PDE4D: variants seen among roughly 807,000 people sequenced by gnomAD.
PDE4D encodes 3',5'-cyclic-AMP phosphodiesterase 4D.
Under a neutral mutation model 87.4 loss-of-function variants are expected in PDE4D, and 24 were observed. The ratio of observed to expected loss-of-function variants is 0.27; its 90% CI spans 0.20 to 0.39. PDE4D has a LOEUF of 0.39. PDE4D is among the 10% of genes least tolerant of loss of function. PDE4D has a pLI of 1.00. For synonymous variants in PDE4D, 384 were observed against 383.2 expected (o/e 1.00, Z -0.02); for missense variants, 714 against 1,041.0 (o/e 0.69, Z 4.32).
intron 1 of PDE4D, among the ~76,000 whole-genome samples, chr5:60,223,603 G>A (rs1023688008): frequency 3.3e-5 from 5 of 152,022 alleles, no homozygotes; most frequent in African/African-American, 9.7e-5. Context: ...GTACATACTG[G>A]AGCAGACACA....
chr5:59,942,669 G>A (rs962414407), intron 3 of PDE4D, among the ~76,000 whole-genome samples: 3 of 152,076 alleles, frequency 2.0e-5, no homozygotes. Context: ...AACTATCCAG[G>A]TTATTGTTCT....
At chr5:60,038,806 C>T (rs527986029) in intron 2 of PDE4D, among the ~76,000 whole-genome samples, 12 of 151,922 alleles carry the variant, frequency 7.9e-5, no homozygotes, top group Non-Finnish European at 1.6e-4. Context: ...CAAAAGAAGA[C>T]ATTTATGCAG....
chr5:59,669,777 A>AC (rs199697069), intron 1 of PDE4D, among the ~76,000 whole-genome samples: 320 of 151,092 alleles, frequency 2.1e-3, no homozygotes, highest in Middle Eastern at 6.8e-3. Context: ...GACTAAAGAC[A>AC]CCCCCCCCAA....
chr5:60,388,941 T>C (rs1762386119), intron 1 of PDE4D, among the ~76,000 whole-genome samples: 1 of 152,236 alleles, frequency 6.6e-6, no homozygotes, highest in Non-Finnish European at 1.5e-5. Flanking sequence ...GGGCAAGTTA[T>C]GGCTTTTCTA....
At chr5:59,249,622 G>A (rs950237378) in intron 1 of PDE4D, among the ~76,000 whole-genome samples, 1 of 152,032 alleles carries the variant, frequency 6.6e-6, no homozygotes, top group Admixed American at 6.6e-5. Context: ...TATAAGTAAT[G>A]TTTGAAATAA....
In PDE4D at chr5:60,417,710, CAAG is replaced by C. The variant is rs1742730661; in HGVS notation, c.-90+70229_-90+70231del. Among the ~76,000 whole-genome samples the C allele has an allele frequency of 2.0e-5, 3 of 151,974 alleles. No individual in the cohort carries two copies. In the South Asian group the frequency reaches 6.2e-4, roughly 32 times the overall value. On this transcript the variant is annotated intron_variant, in intron 1 of 16. Coordinates refer to the PDE4D transcript ENST00000502484. ...AGAATTTTTTTTAGAAAGCAGTTAC[CAAG>C]AAGAAGAAAAAAAACTCTTCTGAAT...
chr5:60,005,353 G>A (rs531305610), intron 2 of PDE4D, among the ~76,000 whole-genome samples: 16 of 152,090 alleles, frequency 1.1e-4, no homozygotes, highest in Middle Eastern at 6.8e-3. Context: ...TCAGTTATAA[G>A]ACAAATACAT....
At chr5:60,321,537 T>C (rs892423164) in intron 1 of PDE4D, among the ~76,000 whole-genome samples, 1 of 152,126 alleles carries the variant, frequency 6.6e-6, no homozygotes, top group African/African-American at 2.4e-5. Context: ...AAATAAAACA[T>C]TGACAAATGG....
At chr5:59,529,173 T>C in intron 1 of PDE4D, 5 of 485,090 alleles carry the variant, frequency 1.0e-5, no homozygotes, top group Non-Finnish European at 2.1e-5. Flanking sequence ...TCTGGTATTA[T>C]GTTTTCAAAA....
rs534285548 is a variant in PDE4D, at chr5:59,512,878, T to C, written c.456-296910A>G. On this transcript the variant is annotated intron_variant, in intron 1 of 14. Transcript: ENST00000340635. ...GGACAAAGATAAAAAGTTATTTCTATTTTTGAAAAGAAATTAGATGATGTC... is the reference window on the plus strand; with the variant it reads ...GGACAAAGATAAAAAGTTATTTCTACTTTTGAAAAGAAATTAGATGATGTC... 3.3e-5 allele frequency among the ~76,000 whole-genome samples: 5 copies of C among 152,292 alleles called. No individual in the cohort carries two copies. The East Asian group carries it at 5.8e-4, about 18-fold the overall frequency.
chr5:60,501,002 AT>A (rs1667368605), intron 1 of PDE4D, among the ~76,000 whole-genome samples: 1 of 151,510 alleles, frequency 6.6e-6, no homozygotes, highest in Non-Finnish European at 1.5e-5. Context: ...TTTTAATTTA[AT>A]TTTATTATTA....
At chr5:60,120,951 A>G (rs1474086574) in intron 2 of PDE4D, among the ~76,000 whole-genome samples, 1 of 152,136 alleles carries the variant, frequency 6.6e-6, no homozygotes, top group African/African-American at 2.4e-5. Flanking sequence ...AGTGGGCACT[A>G]TCTAATCAGC....
chr5:59,885,272 T>C (rs1020596507), intron 1 of PDE4D, among the ~76,000 whole-genome samples: 3 of 152,154 alleles, frequency 2.0e-5, no homozygotes, highest in Non-Finnish European at 4.4e-5. Flanking sequence ...AAAACAGTCT[T>C]TTTATTTTTT....
At chr5:59,375,054 T>C (rs146723407) in intron 1 of PDE4D, among the ~76,000 whole-genome samples, 115 of 152,284 alleles carry the variant, frequency 7.6e-4, no homozygotes, top group African/African-American at 2.4e-3. Flanking sequence ...CAGACATTTA[T>C]AGCATGAAAT....
chr5:60,313,395 A>C (rs1755231493), intron 1 of PDE4D, among the ~76,000 whole-genome samples: 1 of 152,190 alleles, frequency 6.6e-6, no homozygotes, highest in Non-Finnish European at 1.5e-5. Context: ...AGAAATTCAA[A>C]TCCTGAACAG....
At chr5:60,259,821 A>C (rs1324508437) in intron 1 of PDE4D, among the ~76,000 whole-genome samples, 2 of 151,846 alleles carry the variant, frequency 1.3e-5, no homozygotes, top group East Asian at 3.9e-4. Context: ...GAATGCATAA[A>C]CTCATCCACA....
chr5:59,704,718 G>A (rs1456500583), intron 1 of PDE4D, among the ~76,000 whole-genome samples: 1 of 152,092 alleles, frequency 6.6e-6, no homozygotes, highest in Non-Finnish European at 1.5e-5. Flanking sequence ...CATTTACATC[G>A]AGATTGTGTG....
chr5:60,211,456 G>T (rs1489168357), intron 1 of PDE4D, among the ~76,000 whole-genome samples: 1 of 150,112 alleles, frequency 6.7e-6, no homozygotes, highest in Non-Finnish European at 1.5e-5. Flanking sequence ...GAATCTTGGG[G>T]GGGTGGGGTA....
chr5:59,514,472 T>C (rs767912931), intron 1 of PDE4D, among the ~76,000 whole-genome samples: 1 of 152,142 alleles, frequency 6.6e-6, no homozygotes, highest in Non-Finnish European at 1.5e-5. Context: ...CTGTTACAAA[T>C]TACTAGGGGC....
Sources: allele counts gnomAD v4.1 joint callset (sites outside exome capture counted in the v4.1 genomes callset), GRCh38; gene constraint gnomAD v4.1.1; transcripts MANE v1.5; gene names NCBI Gene and HGNC (gene_info 2026-07-23, HGNC 2026-07-21).